GIPC1: variants seen among roughly 807,000 people sequenced by gnomAD.
The protein encoded by GIPC1 is GIPC PDZ domain containing family member 1, also known as PDZ domain-containing protein GIPC1.
A neutral mutation model predicts 28.5 loss-of-function variants in GIPC1; 15 were observed. The observed-to-expected ratio is 0.53, with a 90% CI of 0.35 to 0.81. The LOEUF (loss-of-function observed/expected upper bound fraction) is 0.81, where lower values mean the gene tolerates loss of function less well. GIPC1 is among the 30% of genes least tolerant of loss of function. GIPC1 has a pLI of 0.01. For synonymous variants in GIPC1, 224 were observed against 206.1 expected, an observed-to-expected ratio of 1.09 and a Z score of -0.74; for missense variants, 439 against 481.9, an observed-to-expected ratio of 0.91 and a Z score of 0.83.
chr19:14,480,236 G>A (rs889099812), intron 6 of GIPC1, 69 bp downstream of exon 6: 13 of 1,404,174 alleles, frequency 9.3e-6, no homozygotes, highest in East Asian at 2.3e-5. Context: ...CCTGCTGGCC[G>A]CTCCCGGCAC....
At chr19:14,487,812 G>A (rs1430482460) in intron 3 of GIPC1, among the ~76,000 whole-genome samples, 1 of 151,170 alleles carries the variant, frequency 6.6e-6, no homozygotes, top group Non-Finnish European at 1.5e-5. Context: ...GAGTAGCTGG[G>A]ACCACAGGTG....
At chr19:14,495,604 G>A (rs1324061631) in intron 1 of GIPC1, among the ~76,000 whole-genome samples, 1 of 152,126 alleles carries the variant, frequency 6.6e-6, no homozygotes, top group African/African-American at 2.4e-5. Flanking sequence ...AATGCTAGCT[G>A]AGGTGGAGTT....
chr19:14,495,831 T>C (rs759734781), intron 1 of GIPC1, among the ~76,000 whole-genome samples: 2 of 151,676 alleles, frequency 1.3e-5, no homozygotes, highest in Non-Finnish European at 2.9e-5. Flanking sequence ...GTTTGTCCCC[T>C]GCCCGCCAGC....
At chr19:14,486,022 G>A (rs1029727000) in intron 3 of GIPC1, among the ~76,000 whole-genome samples, 1 of 151,950 alleles carries the variant, frequency 6.6e-6, no homozygotes. Context: ...CGCCTGCCTC[G>A]GCCTCCCAAA....
At chr19:14,489,591 C>G in intron 3 of GIPC1, 1 of 1,150,904 alleles carries the variant, frequency 8.7e-7, no homozygotes, top group Non-Finnish European at 1.3e-6. Flanking sequence ...ATAGTATCAT[C>G]ATGTTAGAAG....
At chr19:14,481,461 G>A (rs967020682) in intron 4 of GIPC1, among the ~76,000 whole-genome samples, 7 of 152,048 alleles carry the variant, frequency 4.6e-5, no homozygotes, top group African/African-American at 1.7e-4. Context: ...GGTGGCTCAC[G>A]CCTGTAATCC....
chr19:14,485,696 T>TAG (rs1433318082), intron 3 of GIPC1, among the ~76,000 whole-genome samples: 1 of 73,848 alleles, frequency 1.4e-5, no homozygotes, highest in African/African-American at 5.0e-5. Flanking sequence ...TATATATATA[T>TAG]ATATATAGAG....
At chr19:14,494,455 C>T (rs532959821) in intron 1 of GIPC1, among the ~76,000 whole-genome samples, 1 of 152,186 alleles carries the variant, frequency 6.6e-6, no homozygotes, top group African/African-American at 2.4e-5. Context: ...CAGTACCACC[C>T]GCTCATATTT....
chr19:14,490,473 T>C (rs1398112111), intron 3 of GIPC1, among the ~76,000 whole-genome samples: 2 of 137,660 alleles, frequency 1.5e-5, no homozygotes. Flanking sequence ...AGGTCGAGAG[T>C]TCGAGACTGG....
intron 3 of GIPC1, among the ~76,000 whole-genome samples, chr19:14,487,450 G>A (rs1156806383): frequency 3.3e-5 from 5 of 150,416 alleles, no homozygotes; most frequent in African/African-American, 1.2e-4. Context: ...TGGCCAGGCT[G>A]GTCTCGAACT....
At chr19:14,489,291 G>A (rs1344522043) in intron 3 of GIPC1, 15 of 724,004 alleles carry the variant, frequency 2.1e-5, no homozygotes, top group Non-Finnish European at 3.3e-5. Flanking sequence ...TAACGAGGTC[G>A]ATGACGCCAG....
intron 3 of GIPC1, among the ~76,000 whole-genome samples, chr19:14,488,000 G>A (rs1243669208): frequency 6.6e-6 from 1 of 152,082 alleles, no homozygotes; most frequent in Admixed American, 6.6e-5. Flanking sequence ...TTTTAATAGT[G>A]ATATGGAGAC....
At chr19:14,490,918 T>C (rs2071957686) in intron 3 of GIPC1, among the ~76,000 whole-genome samples, 1 of 143,800 alleles carries the variant, frequency 7.0e-6, no homozygotes, top group Admixed American at 7.3e-5. Context: ...GAGCTTGCAG[T>C]GAGCCGAGAT....
In GIPC1 at chr19:14,492,416, CCTGCCT is replaced by C. The variant is rs1035648137; in HGVS notation, c.-119+435_-119+440del. On this transcript the variant is annotated intron_variant, in intron 2 of 8. Coordinates refer to ENST00000393033, the MANE Select transcript of GIPC1 (RefSeq NM_005716.4). ...CTGCTTCCCGGGTTCACGCCATTCTCCTGCCTCAGCCTCCCGAGTAGCTGGGACTAC... is the reference window on the plus strand; with the variant it reads ...CTGCTTCCCGGGTTCACGCCATTCTCCAGCCTCCCGAGTAGCTGGGACTAC... Among the ~76,000 whole-genome samples, 60 of 152,064 alleles carry C rather than the reference CCTGCCT, an allele frequency of 3.9e-4. 4 individuals are homozygous for C. Among genetic ancestry groups the C allele is most frequent in the Non-Finnish European group, 1.3e-4 (9 of 68,012 alleles).
intron 3 of GIPC1, among the ~76,000 whole-genome samples, chr19:14,488,050 T>G (rs2071884943): frequency 6.6e-6 from 1 of 152,022 alleles, no homozygotes; most frequent in South Asian, 2.1e-4. Context: ...AGTGAGGGCG[T>G]CTCTGAGCAC....
chr19:14,486,325 A>C (rs536193954), intron 3 of GIPC1, among the ~76,000 whole-genome samples: 3 of 152,346 alleles, frequency 2.0e-5, no homozygotes, highest in Non-Finnish European at 4.4e-5. Flanking sequence ...CACTGTGTGC[A>C]AAAAATTTCT....
intron 3 of GIPC1, among the ~76,000 whole-genome samples, chr19:14,488,562 A>AC (rs1220574739): frequency 6.6e-6 from 1 of 151,922 alleles, no homozygotes; most frequent in Non-Finnish European, 1.5e-5. Flanking sequence ...GGCCAGCCTG[A>AC]CCAACATGGT....
In GIPC1 at chr19:14,480,354, G is replaced by T; in HGVS notation, c.606C>A (p.Pro202=). ...GCTTCAGCGTGAAGGTACGGCCTCG[G>T]GGCAGCTCCTTGAGCAGCCGGGCCA... is the stretch of plus-strand genomic sequence containing the variant. ...YEVARLLKEL[P]RGRTFTLKLT... The change falls in exon 6 of 9, where the codon CCC becomes CCA. Residue 202 remains proline (P), a synonymous_variant. Coordinates refer to ENST00000393033, the MANE Select transcript of GIPC1 (RefSeq NM_005716.4). 6.2e-7 allele frequency: 1 copy of T among 1,612,074 alleles called. No individual in the cohort carries two copies. The highest frequency in any genetic ancestry group is 8.5e-7 in the Non-Finnish European group (1 of 1,179,888).
chr19:14,487,115 G>A (rs986421946), intron 3 of GIPC1, among the ~76,000 whole-genome samples: 3 of 151,946 alleles, frequency 2.0e-5, no homozygotes, highest in Admixed American at 2.0e-4. Context: ...AAAATTACTA[G>A]ACCAAGGTGG....
Sources: allele counts gnomAD v4.1 joint callset (sites outside exome capture counted in the v4.1 genomes callset), GRCh38; gene constraint gnomAD v4.1.1; transcripts MANE v1.5; gene names NCBI Gene and HGNC (gene_info 2026-07-23, HGNC 2026-07-21).